NDUFA10: variants seen among roughly 807,000 people sequenced by gnomAD.
NDUFA10 encodes the protein NADH:ubiquinone oxidoreductase subunit A10.
In NDUFA10, 40 loss-of-function variants were observed where a neutral mutation model predicts 47.8. That is an observed-to-expected ratio of 0.84 (90% CI 0.65 to 1.09). NDUFA10 has a LOEUF of 1.09. Among genes scored for constraint, NDUFA10 ranks in the 50% least tolerant of loss-of-function variants. The pLI is 0.00. For missense variants in NDUFA10, 413 were observed against 451.1 expected (o/e 0.92, Z 0.76); for synonymous variants, 183 against 172.2 (o/e 1.06, Z -0.49).
rs1373758817 is a variant in NDUFA10 at position 239,899,069 on chromosome 2, G to C, written c.295-3755C>G. On this transcript the variant is annotated intron_variant, in intron 4 of 5. Transcript: ENST00000419408. ...TGTGATGGAGGAGTGTGATGGAGGG[G>C]TGTGATGGAGGAGTGTGGAGGGGTG... Among the ~76,000 whole-genome samples the C allele has an allele frequency of 3.7e-5, 2 of 53,954 alleles. 1 individual carries two copies. The highest frequency in any genetic ancestry group is 8.3e-5 in the Non-Finnish European group (2 of 24,116). The allele number at this position is 53,954 out of a possible 152,430, so 35.4% of individuals were successfully genotyped here.
At chr2:239,907,276 T>G (rs1693672645) in intron 4 of NDUFA10, among the ~76,000 whole-genome samples, 1 of 152,262 alleles carries the variant, frequency 6.6e-6, no homozygotes, top group Admixed American at 6.5e-5. Flanking sequence ...GATTAAAGAC[T>G]TAAATGTTAG....
intron 4 of NDUFA10, among the ~76,000 whole-genome samples, chr2:239,919,725 T>A (rs1044748102): frequency 6.6e-6 from 1 of 152,210 alleles, no homozygotes. Context: ...AAACCATCCC[T>A]GAGAATACCT....
intron 8 of NDUFA10, among the ~76,000 whole-genome samples, chr2:239,996,609 C>T (rs1357395663): frequency 6.6e-6 from 1 of 152,208 alleles, no homozygotes; most frequent in African/African-American, 2.4e-5. Context: ...CCTTCCCAGA[C>T]CACCACTAAT....
chr2:239,932,827 C>T (rs71428407), intron 4 of NDUFA10, among the ~76,000 whole-genome samples: 43 of 152,190 alleles, frequency 2.8e-4, no homozygotes, highest in Non-Finnish European at 4.9e-4. Flanking sequence ...GTGATCCACC[C>T]GCCTCGGCCT....
intron 6 of NDUFA10, among the ~76,000 whole-genome samples, chr2:240,010,898 C>T (rs1002725901): frequency 6.6e-6 from 1 of 151,982 alleles, no homozygotes; most frequent in Non-Finnish European, 1.5e-5. Flanking sequence ...TTTTAAACAA[C>T]AAGAACATGA....
chr2:239,986,418 A>T (rs1246025422), intron 9 of NDUFA10, among the ~76,000 whole-genome samples: 1 of 152,194 alleles, frequency 6.6e-6, no homozygotes, highest in Non-Finnish European at 1.5e-5. Context: ...CTTAGATGAC[A>T]GGGGCTGGCT....
downstream of NDUFA10, among the ~76,000 whole-genome samples, chr2:239,952,880 G>C (rs1248923762): frequency 6.6e-6 from 1 of 152,240 alleles, no homozygotes; most frequent in Non-Finnish European, 1.5e-5. Context: ...CAGCCCCGCT[G>C]CTCCACGCCT....
At chr2:239,993,285 AGTTT>A (rs1230835593) in intron 8 of NDUFA10, among the ~76,000 whole-genome samples, 3 of 152,250 alleles carry the variant, frequency 2.0e-5, no homozygotes, top group African/African-American at 7.2e-5. Flanking sequence ...TGTCTCCGTA[AGTTT>A]GTTAGATGTC....
rs150841941 is a variant in NDUFA10, at chr2:240,023,083, G to T, written c.76-743C>A. On this transcript the variant is annotated intron_variant, in intron 1 of 9. Coordinates refer to ENST00000252711, the MANE Select transcript of NDUFA10 (RefSeq NM_004544.4). ...CACCCTCACACCTCTCATCTACAAG[G>T]CAAAGACCTGCTTCAATGCCTGTCT... 2.5e-3 allele frequency among the ~76,000 whole-genome samples: 381 copies of T among 152,208 alleles called. 1 individual carries two copies. The highest frequency in any genetic ancestry group is 8.8e-3 in the African/African-American group (366 of 41,506).
At chr2:240,003,286 A>G (rs1358346187) in intron 8 of NDUFA10, among the ~76,000 whole-genome samples, 2 of 152,208 alleles carry the variant, frequency 1.3e-5, no homozygotes, top group Non-Finnish European at 2.9e-5. Flanking sequence ...AAAGAAGGTA[A>G]GCACCAACGG....
chr2:239,998,789 T>C lies in NDUFA10; in HGVS notation c.890+6421A>G, dbSNP rs577431921. The stretch of plus-strand genomic sequence containing the variant: ...CTGTATTTTTCACTGCTTGAGAAAG[T>C]TGCTCAATCAATGTGTCAGTGTCCC... On this transcript the variant is annotated intron_variant, in intron 8 of 9. Coordinates refer to ENST00000252711, the MANE Select transcript of NDUFA10 (RefSeq NM_004544.4). 2.6e-5 allele frequency among the ~76,000 whole-genome samples: 4 copies of C among 152,334 alleles called. No homozygotes were observed. In the South Asian group the frequency reaches 8.3e-4, roughly 32 times the overall value.
chr2:239,895,366 C>A, intron 4 of NDUFA10: 1 of 405,454 alleles, frequency 2.5e-6, no homozygotes, highest in Non-Finnish European at 5.3e-6. Flanking sequence ...GGAGGGGAGC[C>A]CGAGCTCTGT....
chr2:240,008,861 G>A lies in NDUFA10; in HGVS notation c.750-1491C>T, dbSNP rs150223408. On this transcript the variant is annotated intron_variant, in intron 6 of 9. Coordinates refer to ENST00000252711, the MANE Select transcript of NDUFA10 (RefSeq NM_004544.4). ...AGAGTCCATTTTCTATCTTCTGTGCGCCTCCATTCAGCATGCTAACAACCT... is the reference window on the plus strand; with the variant it reads ...AGAGTCCATTTTCTATCTTCTGTGCACCTCCATTCAGCATGCTAACAACCT... Among the ~76,000 whole-genome samples, 1,414 of 152,242 alleles carry A rather than the reference G, an allele frequency of 9.3e-3. 9 individuals carry two copies. Among genetic ancestry groups the A allele is most frequent in the Non-Finnish European group, 0.015 (1,024 of 68,024 alleles).
At chr2:239,969,643 G>A (rs531926194) in intron 9 of NDUFA10, 29 of 470,972 alleles carry the variant, frequency 6.2e-5, no homozygotes, top group African/African-American at 8.0e-5. Context: ...TCACAGTCCC[G>A]CAAGGAAGAG....
chr2:239,912,395 AACGCT>A (rs1272904340), intron 4 of NDUFA10, among the ~76,000 whole-genome samples: 16 of 152,190 alleles, frequency 1.1e-4, no homozygotes, highest in African/African-American at 3.9e-4. Context: ...CGCCCCTGCC[AACGCT>A]GGGTCAGCTC....
At position 239,958,631 on chromosome 2, in the gene NDUFA10, T is replaced by C; in HGVS notation, c.*2487A>G. 1 of 152,452 alleles carries C rather than the reference T, an allele frequency of 6.6e-6. No individual in the cohort carries two copies. Among genetic ancestry groups the C allele is most frequent in the Non-Finnish European group, 1.5e-5 (1 of 68,124 alleles). 9.4% of individuals were successfully genotyped at this position (152,452 alleles called of 1,614,324 possible). ...CGTGGGGCTGGTGAGCTGCTGCTGC[T>C]ATCTACCCAGGCAACTCCATTTTGC... On this transcript the variant is annotated 3_prime_UTR_variant, in exon 10 of 10. Transcript: ENST00000252711.
chr2:239,996,920 G>A (rs1319785813), intron 8 of NDUFA10, among the ~76,000 whole-genome samples: 1 of 151,520 alleles, frequency 6.6e-6, no homozygotes, highest in Non-Finnish European at 1.5e-5. Context: ...GGACACCCCT[G>A]CTTTAAATCA....
chr2:240,006,595 T>C (rs1696957395), intron 7 of NDUFA10, among the ~76,000 whole-genome samples: 1 of 152,262 alleles, frequency 6.6e-6, no homozygotes, highest in Non-Finnish European at 1.5e-5. Flanking sequence ...TAGTAATTTA[T>C]GCTTAATATA....
rs187786609 is a variant in NDUFA10 at position 239,964,074 on chromosome 2, G to A, written c.1000-2888C>T. Among the ~76,000 whole-genome samples the A allele has an allele frequency of 1.5e-4, 23 of 152,278 alleles. 1 individual carries two copies. The highest frequency in any genetic ancestry group is 9.7e-4 in the East Asian group (5 of 5,176). The stretch of plus-strand genomic sequence containing the variant: ...ATGGCACGTATGTCTATGCCTGCAC[G>A]CCCATGCATGTGCAGGGGGCTGGTA... On this transcript the variant is annotated intron_variant, in intron 9 of 9. Transcript: ENST00000252711.
Sources: gnomAD v4.1 joint callset for allele counts (sites outside exome capture counted in the v4.1 genomes callset) on GRCh38, gnomAD v4.1.1 for gene constraint, MANE v1.5 for transcripts, NCBI Gene and HGNC (gene_info 2026-07-23, HGNC 2026-07-21) for gene names.